The following PGBD2 variants were observed in gnomAD, a reference collection of about 807,000 sequenced individuals.
The protein encoded by PGBD2 is piggyBac transposable element-derived protein 2.
In PGBD2, 6 loss-of-function variants were observed where a neutral mutation model predicts 8.1. The ratio of observed to expected loss-of-function variants is 0.74; its 90% CI spans 0.40 to 1.46. The LOEUF is 1.46. PGBD2 is among the 40% of genes most tolerant of loss of function. PGBD2 has a pLI of 0.02. For missense variants in PGBD2, 802 were observed against 739.0 expected (o/e 1.09, Z -0.99); for synonymous variants, 318 against 272.2 (o/e 1.17, Z -1.66).
At chr1:248,890,702 C>T in the PGBD2 span, among the ~76,000 whole-genome samples, 46 of 151,702 alleles carry the variant, frequency 3.0e-4, no homozygotes, top group African/African-American at 1.1e-3. Context: ...ACACCGACCC[C>T]CACACACACC....
intron 1 of PGBD2, among the ~76,000 whole-genome samples, chr1:248,912,160 A>T (rs948098205): frequency 2.0e-5 from 3 of 152,124 alleles, no homozygotes; most frequent in South Asian, 4.1e-4. Flanking sequence ...CATTGTGTGC[A>T]TGTGCAAATC....
At position 248,917,963 on chromosome 1, in the gene PGBD2, T is replaced by C. The variant is rs758656977; in HGVS notation, c.1379T>C (p.Val460Ala). The C allele has an allele frequency of 1.2e-6, 2 of 1,613,974 alleles. No homozygotes were observed. The highest frequency in any genetic ancestry group is 2.2e-5 in the East Asian group (1 of 44,894). The change falls in exon 3 of 3, where the codon GTG (valine) becomes GCG (alanine). Residue 460 changes from valine to alanine, a missense_variant. Transcript: ENST00000329291. ...PSLVKLYQEKVGGVGRMDQNI... is the reference protein window; with the variant it reads ...PSLVKLYQEKAGGVGRMDQNI... ...CTGGTGAAGCTGTATCAGGAGAAGG[T>C]GGGTGGCGTTGGTAGGATGGATCAG...
chr1:248,906,615 A>T (rs1385955723), intron 1 of PGBD2: 25 of 103,258 alleles, frequency 2.4e-4, no homozygotes, highest in African/African-American at 8.2e-4. Context: ...GGGTCGGGCT[A>T]AAGAGGGATG....
rs61555571 is a variant in PGBD2, at chr1:248,915,440, A to G, written c.18-1162A>G. 2.2e-3 allele frequency among the ~76,000 whole-genome samples: 335 copies of G among 152,376 alleles called. 1 individual carries two copies. Among genetic ancestry groups the G allele is most frequent in the African/African-American group, 7.7e-3 (321 of 41,580 alleles). ...GCTATTTAATACTTAATTATAAAAT[A>G]GGCTTTGTGTTAGATGACTTTTTTC... is the stretch of plus-strand genomic sequence containing the variant. On this transcript the variant is annotated intron_variant, in intron 2 of 2. Transcript: ENST00000329291.
chr1:248,877,607 T>C, the PGBD2 span, among the ~76,000 whole-genome samples: 1 of 152,182 alleles, frequency 6.6e-6, no homozygotes, highest in African/African-American at 2.4e-5. Context: ...GAATTCTATT[T>C]AAGGGGCAAT....
intron 2 of PGBD2, chr1:248,914,298 C>A: frequency 5.9e-6 from 4 of 673,742 alleles, no homozygotes; most frequent in Non-Finnish European, 7.3e-6. Context: ...AGCTTGCAGC[C>A]TTGGCTCTGC....
chr1:248,926,406 T>C, the PGBD2 span, among the ~76,000 whole-genome samples: 10 of 152,240 alleles, frequency 6.6e-5, no homozygotes, highest in East Asian at 1.7e-3. Context: ...TGTCTCCTTA[T>C]GGAAAGGTAG....
chr1:248,879,919 G>C, the PGBD2 span, among the ~76,000 whole-genome samples: 1 of 151,988 alleles, frequency 6.6e-6, no homozygotes, highest in Non-Finnish European at 1.5e-5. Context: ...TTCTGATACT[G>C]AGTGTCCAAA....
In PGBD2 at chr1:248,917,462, G is replaced by A. The variant is rs764569349; in HGVS notation, c.878G>A (p.Gly293Asp). ...QLHRGKPVRL[G>D]YKIWCGTTSR... The stretch of plus-strand genomic sequence containing the variant: ...CACAGGGGGAAGCCTGTGCGACTTG[G>A]CTACAAGATTTGGTGTGGGACAACC... Residue 293 changes from glycine (G) to aspartate (D), a missense_variant, in exon 3 of 3, where the codon GGC becomes GAC. Coordinates refer to ENST00000329291, the MANE Select transcript of PGBD2 (RefSeq NM_170725.3). 5 of 1,614,080 alleles carry A rather than the reference G, an allele frequency of 3.1e-6. No homozygotes were observed. Among genetic ancestry groups the A allele is most frequent in the Middle Eastern group, 1.6e-4 (1 of 6,062 alleles).
the PGBD2 span, among the ~76,000 whole-genome samples, chr1:248,883,696 G>T: frequency 2.0e-5 from 3 of 148,402 alleles, no homozygotes; most frequent in Non-Finnish European, 4.5e-5. Context: ...TCCCAGGTTC[G>T]AGTGATTCTC....
At chr1:248,911,870 A>G (rs1661903998) in intron 1 of PGBD2, among the ~76,000 whole-genome samples, 1 of 151,842 alleles carries the variant, frequency 6.6e-6, no homozygotes, top group African/African-American at 2.4e-5. Flanking sequence ...TGGGTGCAGC[A>G]GGGAGACAGA....
At position 248,917,126 on chromosome 1, in the gene PGBD2, G is replaced by C; in HGVS notation, c.542G>C (p.Cys181Ser). The C allele has an allele frequency of 6.2e-7, 1 of 1,614,112 alleles. No individual in the cohort carries two copies. The highest frequency in any genetic ancestry group is 8.5e-7 in the Non-Finnish European group (1 of 1,180,026). The change falls in exon 3 of 3, where the codon TGT becomes TCT. Residue 181 changes from cysteine to serine, a missense_variant. Transcript: ENST00000329291. ...NLSLTAQELK[C>S]VLGILILSGY... Reference sequence around the variant, plus strand: ...AGTCTTACGGCTCAGGAATTGAAGTGTGTTTTGGGCATTTTGATTTTAAGT... The same window carrying C: ...AGTCTTACGGCTCAGGAATTGAAGTCTGTTTTGGGCATTTTGATTTTAAGT...
chr1:248,927,902 C>A, the PGBD2 span, among the ~76,000 whole-genome samples: 2 of 152,130 alleles, frequency 1.3e-5, no homozygotes, highest in African/African-American at 4.8e-5. Context: ...AAAGGGATAA[C>A]TTCATGAACC....
chr1:248,917,578 A>G lies in PGBD2; in HGVS notation c.994A>G (p.Ile332Val), dbSNP rs1203198044. Residue 332 changes from isoleucine (I) to valine (V), a missense_variant, in exon 3 of 3, where the codon ATA becomes GTA. Transcript: ENST00000329291. ...CTTGGATCTAGGAGGCAGTATGGTAATAAAATTTGTGGATGCGCTTCAGGA... is the reference window on the plus strand; with the variant it reads ...CTTGGATCTAGGAGGCAGTATGGTAGTAAAATTTGTGGATGCGCTTCAGGA... ...RSLDLGGSMV[I>V]KFVDALQERG... is the part of the protein sequence containing the mutation. 1.9e-6 allele frequency: 3 copies of G among 1,614,112 alleles called. No individual in the cohort carries two copies. Among genetic ancestry groups the G allele is most frequent in the Non-Finnish European group, 1.7e-6 (2 of 1,180,050 alleles).
the PGBD2 span, among the ~76,000 whole-genome samples, chr1:248,882,245 A>G: frequency 2.7e-3 from 407 of 152,272 alleles, 4 homozygotes; most frequent in African/African-American, 9.5e-3. Context: ...TAGTGAGGGC[A>G]GGGGTAGGTT....
the PGBD2 span, among the ~76,000 whole-genome samples, chr1:248,883,324 T>C: frequency 6.6e-6 from 1 of 152,116 alleles, no homozygotes; most frequent in African/African-American, 2.4e-5. Context: ...GGTTTCTCCA[T>C]GTTGGTCAGG....
At chr1:248,906,690 G>C (rs1241733700) in intron 1 of PGBD2, among the ~76,000 whole-genome samples, 2 of 150,490 alleles carry the variant, frequency 1.3e-5, no homozygotes, top group Non-Finnish European at 3.0e-5. Flanking sequence ...GAAGGAGGCG[G>C]GCGGCCTGAG....
chr1:248,908,601 G>A (rs917173663), intron 1 of PGBD2, among the ~76,000 whole-genome samples: 2 of 151,834 alleles, frequency 1.3e-5, no homozygotes, highest in African/African-American at 2.4e-5. Flanking sequence ...CATCTATGTT[G>A]GGGCCTGCAT....
downstream of PGBD2, among the ~76,000 whole-genome samples, chr1:248,922,363 A>C (rs142393257): frequency 2.0e-5 from 3 of 152,184 alleles, no homozygotes; most frequent in African/African-American, 7.2e-5. Context: ...CCAGCTGAGA[A>C]AATGGGGTTT....
Sources: gnomAD v4.1 joint callset for allele counts (sites outside exome capture counted in the v4.1 genomes callset) on GRCh38, gnomAD v4.1.1 for gene constraint, MANE v1.5 for transcripts, NCBI Gene and HGNC (gene_info 2026-07-23, HGNC 2026-07-21) for gene names.